Variants in CCDC32 observed in about 807,000 individuals in gnomAD.
CCDC32 encodes coiled-coil domain-containing protein 32.
A neutral mutation model predicts 20.1 loss-of-function variants in CCDC32; 9 were observed. The observed-to-expected ratio is 0.45, with a 90% CI of 0.27 to 0.78. The LOEUF (loss-of-function observed/expected upper bound fraction) is 0.78. Ranked by LOEUF, CCDC32 falls within the 30% of genes least tolerant of loss-of-function variation. The probability of loss-of-function intolerance (pLI) is 0.16; values close to 1 mark genes in which losing one functional copy is unlikely to be tolerated. For synonymous variants in CCDC32, 63 were observed against 79.0 expected, an observed-to-expected ratio of 0.80 and a Z score of 1.07; for missense variants, 204 against 215.5, an observed-to-expected ratio of 0.95 and a Z score of 0.33.
Position 40,562,985 on chromosome 15 carries a change from C to A in CCDC32, c.31G>T (p.Ala11Ser), listed in dbSNP as rs752914099. The change falls in exon 2 of 4, where the codon GCC becomes TCC. Residue 11 changes from alanine (A) to serine (S), a missense_variant. Ala to Ser is a moderately conservative substitution (Grantham distance 99, BLOSUM62 1). Transcript: ENST00000416810. MKMFESADST[A>S]TRSGQDLWAE... ...CAGAGATCCTGGCCAGATCTTGTGG[C>A]TGTAGAGTCAGCGCTCTCAAACATT... 3 of 1,614,220 alleles carry A rather than the reference C, an allele frequency of 1.9e-6. No individual in the cohort carries two copies. The highest frequency in any genetic ancestry group is 2.5e-6 in the Non-Finnish European group (3 of 1,180,032).
downstream of CCDC32, chr15:40,553,082 C>T: frequency 1.0e-6 from 1 of 978,040 alleles, no homozygotes; most frequent in Non-Finnish European, 1.2e-6. Context: ...GAGTCAACAG[C>T]ACCACAGACA....
chr15:40,522,828 CTT>C, the CCDC32 span, among the ~76,000 whole-genome samples: 5 of 131,158 alleles, frequency 3.8e-5, no homozygotes, highest in African/African-American at 1.4e-4. Flanking sequence ...GTTTTCCTTT[CTT>C]TTTTTTTTTT....
At chr15:40,555,357 A>G (rs1432522050) in intron 3 of CCDC32, among the ~76,000 whole-genome samples, 1 of 152,236 alleles carries the variant, frequency 6.6e-6, no homozygotes, top group East Asian at 1.9e-4. Context: ...ACGTAGGAAC[A>G]TGCTGATCTG....
At chr15:40,535,125 C>T, downstream of CCDC32, 1 of 963,772 alleles carries the variant, frequency 1.0e-6, no homozygotes, top group Non-Finnish European at 1.6e-6. Flanking sequence ...AGAATCATTA[C>T]AGGTATTTGA....
chr15:40,556,951 C>A, intron 3 of CCDC32: 1 of 311,156 alleles, frequency 3.2e-6, no homozygotes, highest in Non-Finnish European at 5.8e-6. Context: ...CCTTTTGTTA[C>A]AGTAACATGG....
downstream of CCDC32, chr15:40,538,671 C>A (rs1318393172): frequency 6.6e-6 from 1 of 152,338 alleles, no homozygotes; most frequent in Non-Finnish European, 1.5e-5. Context: ...GCATGGGAAG[C>A]AACTGTGGAG....
downstream of CCDC32, chr15:40,535,826 G>T: frequency 4.4e-6 from 1 of 226,730 alleles, no homozygotes; most frequent in Non-Finnish European, 7.3e-6. Flanking sequence ...GAGCCCATGA[G>T]GGGGCCTAGC....
chr15:40,523,029 T>C, the CCDC32 span, among the ~76,000 whole-genome samples: 1 of 151,256 alleles, frequency 6.6e-6, no homozygotes, highest in Non-Finnish European at 1.5e-5. Context: ...GTTTTCGCCA[T>C]GTTAGTCAGG....
intron 2 of CCDC32, 196 bp from the exon 3 acceptor site, chr15:40,557,568 C>T: frequency 2.0e-6 from 1 of 510,500 alleles, no homozygotes. Context: ...AGTCCTCACC[C>T]TGCATTGTAT....
At chr15:40,532,032 A>T (rs1254913715), downstream of CCDC32, 1 of 355,768 alleles carries the variant, frequency 2.8e-6, no homozygotes, top group Non-Finnish European at 5.1e-6. Context: ...GTTTCTTCTG[A>T]CATCTGTGCT....
downstream of CCDC32, among the ~76,000 whole-genome samples, chr15:40,552,207 C>T (rs907536551): frequency 5.3e-5 from 8 of 151,708 alleles, no homozygotes; most frequent in Non-Finnish European, 8.8e-5. Flanking sequence ...AGCGGCCAGG[C>T]GCGGTGGCTC....
intron 3 of CCDC32, among the ~76,000 whole-genome samples, chr15:40,540,442 A>T (rs1328524375): frequency 3.4e-5 from 5 of 147,146 alleles, no homozygotes; most frequent in Non-Finnish European, 7.4e-5. Flanking sequence ...ATATCGGCTC[A>T]CTGCAACCTC....
downstream of CCDC32, among the ~76,000 whole-genome samples, chr15:40,548,840 G>C (rs1016416236): frequency 5.9e-5 from 9 of 152,244 alleles, no homozygotes; most frequent in African/African-American, 2.2e-4. Flanking sequence ...ACATAGGTCT[G>C]CCCAGGTTCA....
At chr15:40,521,944 A>C in the CCDC32 span, among the ~76,000 whole-genome samples, 1 of 152,196 alleles carries the variant, frequency 6.6e-6, no homozygotes, top group Non-Finnish European at 1.5e-5. Flanking sequence ...TCTTTGAAGC[A>C]CCAAAATTTA....
chr15:40,550,639 G>C (rs1260401895), downstream of CCDC32, among the ~76,000 whole-genome samples: 1 of 152,204 alleles, frequency 6.6e-6, no homozygotes, highest in African/African-American at 2.4e-5. Context: ...GGTAAATGGA[G>C]TTTCACCTTT....
At chr15:40,548,971 T>C (rs143654207), downstream of CCDC32, among the ~76,000 whole-genome samples, 4 of 152,282 alleles carry the variant, frequency 2.6e-5, no homozygotes, top group East Asian at 5.8e-4. Context: ...CTGCCATACA[T>C]GATTCTACTT....
Position 40,555,418 on chromosome 15 carries a change from GTCTTT to G in CCDC32, c.402-1296_402-1292del, listed in dbSNP as rs140272167. 8.4e-3 allele frequency among the ~76,000 whole-genome samples: 1,273 copies of G among 152,248 alleles called. 23 individuals are homozygous for G. The highest frequency in any genetic ancestry group is 0.029 in the African/African-American group (1,204 of 41,548). ...TGAAAATGACACAGGAGAAAGTTTT[GTCTTT>G]TCTTCTCAGAGCTGGAGAGAAGAGA... On this transcript the variant is annotated intron_variant, in intron 3 of 3. Transcript: ENST00000416810.
rs1000308421 is a variant in CCDC32, at chr15:40,539,337, G to C, written c.420C>G (p.Thr140=). 3 of 1,535,492 alleles carry C rather than the reference G, an allele frequency of 2.0e-6. No homozygotes were observed. In the African/African-American group the frequency reaches 4.1e-5, roughly 21 times the overall value. The change falls in exon 4 of 4, where the codon ACC becomes ACG. Residue 140 remains threonine, a synonymous_variant. Transcript: ENST00000558113. ...CCTCAGAAAAGCTGCTGCTGCCAGG[G>C]GTTCTGGAGTTACAGGGCCTATGGG...
downstream of CCDC32, among the ~76,000 whole-genome samples, chr15:40,552,309 A>C (rs1332967526): frequency 1.3e-5 from 2 of 151,834 alleles, no homozygotes; most frequent in Non-Finnish European, 2.9e-5. Context: ...AGAAACCCCA[A>C]ATCTACTAAA....
Sources: gnomAD v4.1 joint callset for allele counts (sites outside exome capture counted in the v4.1 genomes callset) on GRCh38, gnomAD v4.1.1 for gene constraint, MANE v1.5 for transcripts, NCBI Gene and HGNC (gene_info 2026-07-23, HGNC 2026-07-21) for gene names.